The following ACAP2 variants were observed in gnomAD, a reference collection of about 807,000 sequenced individuals.
The protein encoded by ACAP2 is ArfGAP with coiled-coil, ankyrin repeat and PH domains 2.
A neutral mutation model predicts 115.8 loss-of-function variants in ACAP2; 39 were observed. The observed-to-expected ratio is 0.34, with a 90% confidence interval of 0.26 to 0.44. The LOEUF (loss-of-function observed/expected upper bound fraction) is 0.44, where lower values mean the gene tolerates loss of function less well. ACAP2 is among the 20% of genes least tolerant of loss of function. The pLI, the probability that ACAP2 is intolerant of heterozygous loss-of-function variation, is 1.00. For synonymous variants in ACAP2, 289 were observed against 315.8 expected, an observed-to-expected ratio of 0.92 and a Z score of 0.90; for missense variants, 662 against 927.6, an observed-to-expected ratio of 0.71 and a Z score of 3.72.
At chr3:195,337,373 G>A (rs1730571475) in intron 6 of ACAP2, among the ~76,000 whole-genome samples, 1 of 151,226 alleles carries the variant, frequency 6.6e-6, no homozygotes, top group Non-Finnish European at 1.5e-5. Context: ...GCTGCAATAG[G>A]CTATGAATTA....
intron 10 of ACAP2, among the ~76,000 whole-genome samples, chr3:195,320,293 G>A (rs1729366577): frequency 6.6e-6 from 1 of 151,996 alleles, no homozygotes; most frequent in East Asian, 1.9e-4. Context: ...ATCATATAGA[G>A]GAGAAACCAA....
intron 11 of ACAP2, 113 bp from the exon 12 acceptor site, chr3:195,307,436 AT>A: frequency 1.5e-6 from 1 of 660,738 alleles, no homozygotes; most frequent in Non-Finnish European, 2.5e-6. Flanking sequence ...CAAGATTTAT[AT>A]TTTATTTTAG....
At chr3:195,309,565 C>T (rs1211996765) in intron 10 of ACAP2, among the ~76,000 whole-genome samples, 1 of 151,508 alleles carries the variant, frequency 6.6e-6, no homozygotes, top group Admixed American at 6.6e-5. Flanking sequence ...AAAAAAGTAT[C>T]CACTTGTATA....
At chr3:195,290,852 T>TAAA (rs1727202026) in intron 20 of ACAP2, among the ~76,000 whole-genome samples, 2 of 124,162 alleles carry the variant, frequency 1.6e-5, no homozygotes, top group African/African-American at 6.5e-5. Context: ...AAATAAATAA[T>TAAA]AAATAAATAA....
intron 4 of ACAP2, among the ~76,000 whole-genome samples, chr3:195,366,283 A>G (rs888508955): frequency 6.6e-6 from 1 of 152,272 alleles, no homozygotes. Flanking sequence ...TTGAAGAAAC[A>G]TAGGCTGCTT....
intron 22 of ACAP2, among the ~76,000 whole-genome samples, chr3:195,280,084 T>G (rs1030976105): frequency 2.1e-5 from 3 of 143,184 alleles, no homozygotes; most frequent in Non-Finnish European, 3.1e-5. Context: ...GGTGGGGGGG[T>G]TGGGGGGAGA....
chr3:195,386,265 A>T (rs1308225452), intron 2 of ACAP2, among the ~76,000 whole-genome samples: 2 of 152,182 alleles, frequency 1.3e-5, no homozygotes, highest in African/African-American at 4.8e-5. Flanking sequence ...TAATAGATAC[A>T]GGGTTTCTTT....
intron 1 of ACAP2, among the ~76,000 whole-genome samples, chr3:195,401,555 T>TG (rs1712298165): frequency 6.6e-6 from 1 of 152,100 alleles, no homozygotes; most frequent in South Asian, 2.1e-4. Flanking sequence ...CAATCCCAGC[T>TG]ACACCGGTTG....
chr3:195,315,549 T>C (rs762301776), intron 10 of ACAP2, among the ~76,000 whole-genome samples: 13 of 152,210 alleles, frequency 8.5e-5, no homozygotes, highest in Non-Finnish European at 1.5e-4. Context: ...AAAAATGCCA[T>C]AGGATACTTG....
intron 1 of ACAP2, among the ~76,000 whole-genome samples, chr3:195,399,649 T>A (rs897868287): frequency 6.6e-6 from 1 of 151,608 alleles, no homozygotes; most frequent in Admixed American, 6.6e-5. Context: ...CCTTTTCCCC[T>A]CAAATTTTCC....
intron 17 of ACAP2, 109 bp from the exon 18 acceptor site, chr3:195,294,920 C>T: frequency 6.5e-6 from 4 of 616,466 alleles, no homozygotes; most frequent in Non-Finnish European, 1.2e-5. Flanking sequence ...TGAACTCAGG[C>T]ACCACAAGGA....
intron 4 of ACAP2, among the ~76,000 whole-genome samples, chr3:195,371,699 G>A (rs1332598945): frequency 6.6e-6 from 1 of 152,086 alleles, no homozygotes; most frequent in Non-Finnish European, 1.5e-5. Flanking sequence ...GTCACCCAAG[G>A]TGGAGTGCAG....
chr3:195,396,793 G>GAAAA (rs62983860), intron 1 of ACAP2, among the ~76,000 whole-genome samples: 4,079 of 90,972 alleles, frequency 0.045, 4 homozygotes, highest in East Asian at 0.056. Flanking sequence ...TCTCAAAAAA[G>GAAAA]AAAAAAAAAA....
chr3:195,327,690 G>C (rs1380460930), intron 8 of ACAP2, among the ~76,000 whole-genome samples: 1 of 152,126 alleles, frequency 6.6e-6, no homozygotes. Flanking sequence ...CCAGCACTTT[G>C]GGAGGCCAAG....
chr3:195,339,010 C>T (rs749712032), intron 6 of ACAP2, among the ~76,000 whole-genome samples: 5 of 152,060 alleles, frequency 3.3e-5, no homozygotes, highest in African/African-American at 1.2e-4. Context: ...GTGGGCAGAT[C>T]GCTTGAGATT....
At chr3:195,392,536 G>A (rs1243303902) in intron 1 of ACAP2, among the ~76,000 whole-genome samples, 1 of 152,168 alleles carries the variant, frequency 6.6e-6, no homozygotes, top group East Asian at 1.9e-4. Flanking sequence ...TGGCAACCAA[G>A]AAGAGCTTTT....
intron 22 of ACAP2, among the ~76,000 whole-genome samples, chr3:195,284,413 G>A (rs549438636): frequency 6.6e-6 from 1 of 152,176 alleles, no homozygotes; most frequent in East Asian, 1.9e-4. Flanking sequence ...CAGAATGAAC[G>A]CTAGAGCTTC....
chr3:195,294,507 G>A (rs1266071292), intron 18 of ACAP2, among the ~76,000 whole-genome samples: 2 of 150,370 alleles, frequency 1.3e-5, no homozygotes. Context: ...GAAACTGGAA[G>A]GCGGAGGTTG....
At chr3:195,414,913 A>T (rs1421646104) in intron 1 of ACAP2, among the ~76,000 whole-genome samples, 2 of 152,198 alleles carry the variant, frequency 1.3e-5, no homozygotes, top group East Asian at 3.8e-4. Context: ...ACAACATGAC[A>T]TTCTAAAAAA....
Sources: gnomAD v4.1 joint callset for allele counts (sites outside exome capture counted in the v4.1 genomes callset) on GRCh38, gnomAD v4.1.1 for gene constraint, MANE v1.5 for transcripts, NCBI Gene and HGNC (gene_info 2026-07-23, HGNC 2026-07-21) for gene names.